MRTFA: variants seen among roughly 807,000 people sequenced by gnomAD.
MRTFA encodes myocardin related transcription factor A, also known as myocardin-related transcription factor A.
In MRTFA, 20 loss-of-function variants were observed where a neutral mutation model predicts 83.5. The observed-to-expected ratio is 0.24, with a 90% confidence interval of 0.17 to 0.35. The LOEUF is 0.35. Ranked by LOEUF, MRTFA falls within the 10% of genes least tolerant of loss-of-function variation. The pLI, the probability that MRTFA is intolerant of heterozygous loss-of-function variation, is 1.00. For synonymous variants in MRTFA, 659 were observed against 541.2 expected (o/e 1.22, Z -3.02); for missense variants, 1,200 against 1,224.7 (o/e 0.98, Z 0.30).
At position 40,566,083 on chromosome 22, in the gene MRTFA, A is replaced by AT. The variant is rs1254147281; in HGVS notation, c.-21-13717dup. 2.6e-5 allele frequency among the ~76,000 whole-genome samples: 4 copies of AT among 152,346 alleles called. No homozygotes were observed. In the East Asian group the frequency reaches 7.7e-4, roughly 29 times the overall value. On this transcript the variant is annotated intron_variant, in intron 2 of 14. Coordinates refer to ENST00000355630, the MANE Select transcript of MRTFA (RefSeq NM_020831.6). ...AACAGCATATGCAAGTTAAAAAGCC[A>AT]TGAGGCAGGAATGAGCTTGGTATCT...
chr22:40,510,145 G>T (rs1404483945), intron 3 of MRTFA, among the ~76,000 whole-genome samples: 1 of 152,122 alleles, frequency 6.6e-6, no homozygotes, highest in Non-Finnish European at 1.5e-5. Context: ...ATAGTCTCTG[G>T]AGTACCAATA....
chr22:40,411,793 G>C lies in MRTFA; in HGVS notation c.2693C>G (p.Pro898Arg), dbSNP rs747279423. ...GCCTGGAGGAGGTGGGGCAGCCTGG[G>C]GGAGCTCAGCAGAAGGTGATGGCTG... The change falls in exon 15 of 15, where the codon CCC (proline) becomes CGC (arginine). Residue 898 changes from proline (P) to arginine (R), a missense_variant. By Grantham distance (103) the Pro-to-Arg change is moderately radical. Coordinates refer to ENST00000355630, the MANE Select transcript of MRTFA (RefSeq NM_020831.6). 2 of 1,529,700 alleles carry C rather than the reference G, an allele frequency of 1.3e-6. No homozygotes were observed. Among genetic ancestry groups the C allele is most frequent in the Non-Finnish European group, 1.8e-6 (2 of 1,133,870 alleles). 94.8% of individuals were successfully genotyped at this position (1,529,700 alleles called of 1,614,324 possible).
chr22:40,431,400 C>T lies in MRTFA; in HGVS notation c.439+5G>A. The T allele has an allele frequency of 6.2e-7, 1 of 1,613,890 alleles. No individual in the cohort carries two copies. Among genetic ancestry groups the T allele is most frequent in the Non-Finnish European group, 8.5e-7 (1 of 1,179,804 alleles). On this transcript the variant is annotated splice_donor_5th_base_variant and intron_variant, in intron 6 of 14. Transcript: ENST00000355630. ...TAGATGGAAAAGCAATTCCAATCTC[C>T]ACACCTTCCAAAATGTGCATCCTGA... is the stretch of plus-strand genomic sequence containing the variant.
intron 3 of MRTFA, among the ~76,000 whole-genome samples, chr22:40,500,556 G>C (rs2054448385): frequency 6.6e-6 from 1 of 151,890 alleles, no homozygotes; most frequent in Non-Finnish European, 1.5e-5. Context: ...CGCAGTGTTT[G>C]TGTCCCTGAT....
intron 2 of MRTFA, among the ~76,000 whole-genome samples, chr22:40,560,323 A>C (rs186514910): frequency 6.6e-6 from 1 of 152,366 alleles, no homozygotes; most frequent in East Asian, 1.9e-4. Flanking sequence ...GAGACACAGC[A>C]AGGTTTCCTT....
intron 2 of MRTFA, among the ~76,000 whole-genome samples, chr22:40,558,260 T>TG (rs2055560803): frequency 7.2e-6 from 1 of 138,712 alleles, no homozygotes; most frequent in East Asian, 2.1e-4. Flanking sequence ...TTTTTTTTTT[T>TG]TTTTTTTTTT....
rs1203361005 is a variant in MRTFA at position 40,410,794 on chromosome 22, T to G, written c.*596A>C. On this transcript the variant is annotated 3_prime_UTR_variant, in exon 15 of 15. Transcript: ENST00000355630. The stretch of plus-strand genomic sequence containing the variant: ...TCCTGTCCGCCCCCCCCCAAAAATA[T>G]ATATGTATGTCGATATATAATATAG... The G allele has an allele frequency of 8.6e-6, 2 of 232,116 alleles. No homozygotes were observed. Among genetic ancestry groups the G allele is most frequent in the Non-Finnish European group, 1.7e-5 (2 of 117,678 alleles). 14.4% of individuals were successfully genotyped at this position (232,116 alleles called of 1,614,324 possible).
chr22:40,539,744 C>T (rs958316512), intron 3 of MRTFA, among the ~76,000 whole-genome samples: 3 of 152,058 alleles, frequency 2.0e-5, no homozygotes, highest in Admixed American at 6.5e-5. Context: ...CCTCGTGATC[C>T]GCCTGCCTCG....
intron 2 of MRTFA, among the ~76,000 whole-genome samples, chr22:40,556,222 A>G (rs2055521629): frequency 6.6e-6 from 1 of 152,202 alleles, no homozygotes; most frequent in African/African-American, 2.4e-5. Context: ...CATTCCTTGC[A>G]AACTTTTATG....
chr22:40,564,054 C>T (rs1301083212), intron 2 of MRTFA, among the ~76,000 whole-genome samples: 2 of 152,030 alleles, frequency 1.3e-5, no homozygotes, highest in Admixed American at 6.6e-5. Context: ...AAATCTTTGT[C>T]GCGTTAATAA....
intron 3 of MRTFA, among the ~76,000 whole-genome samples, chr22:40,497,673 A>C (rs1881682423): frequency 6.6e-6 from 1 of 152,036 alleles, no homozygotes; most frequent in African/African-American, 2.4e-5. Context: ...GAATCGCTTG[A>C]ACTTGGGAGG....
intron 1 of MRTFA, among the ~76,000 whole-genome samples, chr22:40,636,003 T>C (rs933460816): frequency 1.3e-5 from 2 of 152,206 alleles, no homozygotes; most frequent in Admixed American, 6.5e-5. Flanking sequence ...TGCAGAGCCC[T>C]GTACACCTGG....
intron 2 of MRTFA, among the ~76,000 whole-genome samples, chr22:40,559,031 C>T (rs987518243): frequency 6.6e-6 from 1 of 151,994 alleles, no homozygotes; most frequent in African/African-American, 2.4e-5. Context: ...ATCCACCTGC[C>T]CCAGCCTCCC....
intron 3 of MRTFA, among the ~76,000 whole-genome samples, chr22:40,499,003 AT>A (rs1474921892): frequency 6.6e-6 from 1 of 151,958 alleles, no homozygotes; most frequent in African/African-American, 2.4e-5. Context: ...CGTCCCTTTT[AT>A]TTTATTATTA....
At chr22:40,515,729 T>G (rs2054747150) in intron 3 of MRTFA, among the ~76,000 whole-genome samples, 1 of 152,102 alleles carries the variant, frequency 6.6e-6, no homozygotes, top group Non-Finnish European at 1.5e-5. Context: ...AATGCAGCCA[T>G]GCATATCAGG....
intron 3 of MRTFA, among the ~76,000 whole-genome samples, chr22:40,480,897 A>T (rs1055334884): frequency 2.0e-5 from 3 of 151,792 alleles, no homozygotes; most frequent in African/African-American, 7.3e-5. Flanking sequence ...TACAGGCATG[A>T]GCCAACATGC....
intron 2 of MRTFA, among the ~76,000 whole-genome samples, chr22:40,553,727 G>A (rs748844624): frequency 6.6e-6 from 1 of 152,198 alleles, no homozygotes; most frequent in Non-Finnish European, 1.5e-5. Flanking sequence ...CGCCCACACA[G>A]AGTCCTCACT....
At position 40,441,805 on chromosome 22, in the gene MRTFA, C is replaced by T. The variant is rs1051959649; in HGVS notation, c.308-6251G>A. Among the ~76,000 whole-genome samples, 3 of 149,990 alleles carry T rather than the reference C, an allele frequency of 2.0e-5. No individual in the cohort carries two copies. The East Asian group carries it at 5.9e-4, about 29-fold the overall frequency. ...CCATCTCGGGGGGAAAAAATATATA[C>T]ATGTATGTATGTGTATATATATATA... On this transcript the variant is annotated intron_variant, in intron 4 of 14. Transcript: ENST00000355630.
chr22:40,465,664 G>A (rs1412068976), intron 3 of MRTFA, among the ~76,000 whole-genome samples: 1 of 152,102 alleles, frequency 6.6e-6, no homozygotes, highest in Non-Finnish European at 1.5e-5. Context: ...TGGCTCAACA[G>A]ATCCTCCCAC....
Sources: allele counts gnomAD v4.1 joint callset (sites outside exome capture counted in the v4.1 genomes callset), GRCh38; gene constraint gnomAD v4.1.1; transcripts MANE v1.5; gene names NCBI Gene and HGNC (gene_info 2026-07-23, HGNC 2026-07-21).